Variants in PIK3R3 observed in about 807,000 individuals in gnomAD.
PIK3R3 encodes phosphoinositide-3-kinase regulatory subunit 3, also known as phosphatidylinositol 3-kinase regulatory subunit gamma.
In PIK3R3, 64 loss-of-function variants were observed where a neutral mutation model predicts 62.9. The ratio of observed to expected loss-of-function variants is 1.02; its 90% CI spans 0.83 to 1.25. The LOEUF is 1.25. Ranked by LOEUF, PIK3R3 falls within the 50% of genes most tolerant of loss-of-function variation. The pLI is 0.00. For synonymous variants in PIK3R3, 165 were observed against 189.0 expected (o/e 0.87, Z 1.04); for missense variants, 614 against 561.6 (o/e 1.09, Z -0.94).
At chr1:46,169,564 A>G in the PIK3R3 span, among the ~76,000 whole-genome samples, 2 of 152,168 alleles carry the variant, frequency 1.3e-5, no homozygotes, top group African/African-American at 4.8e-5. Context: ...AAGACAGCAA[A>G]GGAGATTTGA....
At position 46,067,030 on chromosome 1, in the gene PIK3R3, C is replaced by G. The variant is rs80189271; in HGVS notation, c.376G>C (p.Asp126His). 1.2e-6 allele frequency: 2 copies of G among 1,602,968 alleles called. No homozygotes were observed. Among genetic ancestry groups the G allele is most frequent in the Non-Finnish European group, 1.7e-6 (2 of 1,175,662 alleles). Residue 126 changes from aspartate to histidine, a missense_variant, in exon 4 of 10, where the codon GAT (aspartate) becomes CAT (histidine). Physicochemically the swap from Asp to His is moderately conservative, Grantham distance 81. Transcript: ENST00000262741. ...ACCACGGAATTAAATGTCAGAGGAT[C>G]AGAAAAGCCATATTTACCATCCCGG... ...YHRDGKYGFS[D>H]PLTFNSVVEL...
intron 1 of PIK3R3, among the ~76,000 whole-genome samples, chr1:46,102,276 C>T (rs536739859): frequency 6.6e-6 from 1 of 152,102 alleles, no homozygotes; most frequent in African/African-American, 2.4e-5. Flanking sequence ...TGAGCCACAG[C>T]GCCCGGCCTG....
the PIK3R3 span, among the ~76,000 whole-genome samples, chr1:46,156,203 T>C: frequency 1.4e-4 from 21 of 152,192 alleles, no homozygotes; most frequent in South Asian, 3.5e-3. Context: ...CAGTGAATAA[T>C]AGGAATTCAT....
At chr1:46,146,033 C>T in the PIK3R3 span, among the ~76,000 whole-genome samples, 1 of 152,202 alleles carries the variant, frequency 6.6e-6, no homozygotes, top group Admixed American at 6.5e-5. Flanking sequence ...AGAGCCAAAG[C>T]CGGGCCCTCT....
At chr1:46,152,639 T>C in the PIK3R3 span, among the ~76,000 whole-genome samples, 1 of 148,698 alleles carries the variant, frequency 6.7e-6, no homozygotes, top group Non-Finnish European at 1.5e-5. Flanking sequence ...CTCTGCTCAC[T>C]GCAAGCTCCG....
At position 46,046,516 on chromosome 1, in the gene PIK3R3, A is replaced by G. The variant is rs191130874; in HGVS notation, c.1016+35T>C. 1.9e-3 allele frequency: 2,611 copies of G among 1,386,556 alleles called. 3 individuals carry two copies. The highest frequency in any genetic ancestry group is 3.1e-3 in the Admixed American group (185 of 59,618). 85.9% of individuals were successfully genotyped at this position (1,386,556 alleles called of 1,614,324 possible). ...AGGCGCATGTCTTATATTGATAACA[A>G]AGCCCTCTGACAGAAAGGTATAGAG... On this transcript the variant is annotated intron_variant, in intron 8 of 9. Coordinates refer to ENST00000262741, the MANE Select transcript of PIK3R3 (RefSeq NM_003629.4).
rs1647476375 is a variant in PIK3R3 at position 46,052,767 on chromosome 1, CAAG to C, written c.941+3025_941+3027del. On this transcript the variant is annotated intron_variant, in intron 7 of 9. Transcript: ENST00000262741. ...CAATGAAATTCTGTATTTAAACACT[CAAG>C]AATATCCTACTAGTAGTACACCAAG... 4.6e-5 allele frequency among the ~76,000 whole-genome samples: 7 copies of C among 152,202 alleles called. No homozygotes were observed. The South Asian group carries it at 1.2e-3, about 27-fold the overall frequency.
intron 1 of PIK3R3, among the ~76,000 whole-genome samples, chr1:46,086,897 C>A (rs1651107732): frequency 6.6e-6 from 1 of 152,174 alleles, no homozygotes; most frequent in Admixed American, 6.5e-5. Context: ...ATCCTCCACC[C>A]TAGATAAAGG....
chr1:46,155,757 C>T, the PIK3R3 span, among the ~76,000 whole-genome samples: 6 of 152,230 alleles, frequency 3.9e-5, 1 homozygote, highest in East Asian at 9.6e-4. Context: ...CCACCATGCC[C>T]AGCCTAATTT....
intron 1 of PIK3R3, among the ~76,000 whole-genome samples, chr1:46,126,346 T>C (rs1241410443): frequency 3.3e-5 from 5 of 151,302 alleles, no homozygotes; most frequent in African/African-American, 1.2e-4. Context: ...AAGACCAGCC[T>C]GGCCAACATG....
At chr1:46,105,582 G>A (rs1653124720) in intron 1 of PIK3R3, among the ~76,000 whole-genome samples, 1 of 152,132 alleles carries the variant, frequency 6.6e-6, no homozygotes, top group Non-Finnish European at 1.5e-5. Flanking sequence ...TTGGAAGGCT[G>A]AGGCAGGTGG....
chr1:46,062,006 C>T lies in PIK3R3; in HGVS notation c.687G>A (p.Gln229=), dbSNP rs1303881761. The T allele has an allele frequency of 1.2e-6, 2 of 1,611,422 alleles. No homozygotes were observed. The highest frequency in any genetic ancestry group is 1.7e-6 in the Non-Finnish European group (2 of 1,177,648). The part of the protein sequence containing the change: ...FNETIKIFEE[Q]CHTQEQHSKE... ...TGCTATGTTGTTCTTGTGTGTGACA[C>T]TGCTCTTCAAATATTTTAATTGTTT... The change falls in exon 6 of 10, where the codon CAG becomes CAA. Residue 229 remains glutamine (Q), a synonymous_variant. Coordinates refer to ENST00000262741, the MANE Select transcript of PIK3R3 (RefSeq NM_003629.4).
the PIK3R3 span, among the ~76,000 whole-genome samples, chr1:46,149,508 T>C: frequency 1.3e-5 from 2 of 151,518 alleles, no homozygotes; most frequent in African/African-American, 2.4e-5. Flanking sequence ...TTACTCTATA[T>C]GTTCTTTGTG....
chr1:46,064,444 G>A (rs1648809647), intron 5 of PIK3R3, among the ~76,000 whole-genome samples: 1 of 152,060 alleles, frequency 6.6e-6, no homozygotes, highest in Admixed American at 6.6e-5. Context: ...GGGAGGCTGA[G>A]GCAGGAGAAT....
At chr1:46,105,173 T>C in intron 1 of PIK3R3, 1 of 619,836 alleles carries the variant, frequency 1.6e-6, no homozygotes, top group Non-Finnish European at 2.9e-6. Context: ...GAGAGATCAG[T>C]AATCATCCCA....
chr1:46,164,851 T>A, the PIK3R3 span, among the ~76,000 whole-genome samples: 5 of 152,124 alleles, frequency 3.3e-5, no homozygotes, highest in Non-Finnish European at 7.4e-5. Context: ...TCCCTTTTTT[T>A]GAGATGGGGT....
At chr1:46,129,748 A>AC (rs1655416652) in intron 1 of PIK3R3, among the ~76,000 whole-genome samples, 1 of 152,172 alleles carries the variant, frequency 6.6e-6, no homozygotes, top group Admixed American at 6.5e-5. Flanking sequence ...TCCATGAAAA[A>AC]CCATTCACTT....
At chr1:46,084,396 C>G (rs534874876) in intron 1 of PIK3R3, among the ~76,000 whole-genome samples, 228 of 152,284 alleles carry the variant, frequency 1.5e-3, no homozygotes, top group African/African-American at 5.3e-3. Context: ...TGTGGGTGAA[C>G]TGCATGGCAT....
intron 1 of PIK3R3, among the ~76,000 whole-genome samples, chr1:46,096,143 G>T (rs1288071465): frequency 6.6e-6 from 1 of 152,162 alleles, no homozygotes; most frequent in African/African-American, 2.4e-5. Flanking sequence ...GAGTGGGCAC[G>T]CATATACACT....
Sources: gnomAD v4.1 joint callset for allele counts (sites outside exome capture counted in the v4.1 genomes callset) on GRCh38, gnomAD v4.1.1 for gene constraint, MANE v1.5 for transcripts, NCBI Gene and HGNC (gene_info 2026-07-23, HGNC 2026-07-21) for gene names.